NBEA: variants seen among roughly 807,000 people sequenced by gnomAD.
The protein encoded by NBEA is lysosomal-trafficking regulator 2.
In NBEA, 44 loss-of-function variants were observed where a neutral mutation model predicts 343.4. That is an observed-to-expected ratio of 0.13 (90% CI 0.10 to 0.16). NBEA has a LOEUF of 0.16. Ranked by LOEUF, NBEA falls within the 10% of genes least tolerant of loss-of-function variation. The pLI is 1.00. For synonymous variants in NBEA, 1,175 were observed against 1,238.7 expected (o/e 0.95, Z 1.08); for missense variants, 2,555 against 3,631.3 (o/e 0.70, Z 7.62).
chr13:35,535,440 A>G (rs901794194), intron 41 of NBEA, among the ~76,000 whole-genome samples: 47 of 152,212 alleles, frequency 3.1e-4, no homozygotes, highest in Admixed American at 2.6e-3. Context: ...AATGTGACAC[A>G]CAGAACCAGA....
chr13:35,048,470 ATTGT>A (rs2062942948), intron 4 of NBEA, 89 bp from the exon 5 acceptor site: 2 of 1,157,920 alleles, frequency 1.7e-6, no homozygotes, highest in African/African-American at 3.1e-5. Context: ...TTATACTTTG[ATTGT>A]TATTTAATCT....
chr13:34,990,284 T>C (rs2060705775), intron 1 of NBEA, among the ~76,000 whole-genome samples: 1 of 151,182 alleles, frequency 6.6e-6, no homozygotes, highest in South Asian at 2.1e-4. Context: ...GCTTAGTAGA[T>C]TCTCCATGAG....
chr13:35,409,641 G>A (rs776905685), intron 38 of NBEA, among the ~76,000 whole-genome samples: 1 of 151,918 alleles, frequency 6.6e-6, no homozygotes, highest in South Asian at 2.1e-4. Flanking sequence ...TAACCAAATG[G>A]TTCTACCTGT....
chr13:35,117,976 A>C (rs2066589842), intron 14 of NBEA, among the ~76,000 whole-genome samples: 1 of 152,018 alleles, frequency 6.6e-6, no homozygotes, highest in Non-Finnish European at 1.5e-5. Flanking sequence ...TTAGATGGTC[A>C]AAATATGCTA....
At chr13:35,416,983 G>C (rs1315010648) in intron 38 of NBEA, among the ~76,000 whole-genome samples, 2 of 152,078 alleles carry the variant, frequency 1.3e-5, no homozygotes, top group African/African-American at 4.8e-5. Context: ...ATGTGTTCAG[G>C]AATTTATCCG....
Position 35,308,453 on chromosome 13 carries a change from T to C in NBEA, c.5839-1075T>C, listed in dbSNP as rs866490713. On this transcript the variant is annotated intron_variant, in intron 35 of 58. Transcript: ENST00000379939. ...CTGCTATTTACTATATATATATATA[T>C]ATATATATATATATATATATGTATA... Among the ~76,000 whole-genome samples, 140 of 112,968 alleles carry C rather than the reference T, an allele frequency of 1.2e-3. 2 individuals carry two copies. Among genetic ancestry groups the C allele is most frequent in the African/African-American group, 2.7e-3 (66 of 24,068 alleles). The allele number at this position is 112,968 out of a possible 152,430, so 74.1% of individuals were successfully genotyped here. A position where few individuals can be genotyped will look rare whatever the true frequency, so the allele number is the denominator to read the frequency against.
chr13:35,349,262 C>CA, intron 37 of NBEA, 46 bp downstream of exon 37: 1 of 1,084,560 alleles, frequency 9.2e-7, no homozygotes, highest in Non-Finnish European at 1.4e-6. Flanking sequence ...TATTATAAGC[C>CA]AAAAATCACC....
chr13:35,121,288 G>A (rs1281647804), intron 16 of NBEA, among the ~76,000 whole-genome samples: 3 of 151,734 alleles, frequency 2.0e-5, no homozygotes, highest in Non-Finnish European at 1.5e-5. Context: ...TTGTATTTTG[G>A]TAGAGACAGG....
chr13:35,317,032 T>G (rs1186556277), intron 36 of NBEA, among the ~76,000 whole-genome samples: 1 of 152,174 alleles, frequency 6.6e-6, no homozygotes, highest in Non-Finnish European at 1.5e-5. Context: ...ATGGATAGAT[T>G]GCAAAAATTT....
chr13:35,490,203 G>T (rs995139916), intron 41 of NBEA, among the ~76,000 whole-genome samples: 5 of 151,918 alleles, frequency 3.3e-5, no homozygotes, highest in African/African-American at 1.2e-4. Flanking sequence ...AAATAAGATA[G>T]TGGAGCCACT....
intron 1 of NBEA, among the ~76,000 whole-genome samples, chr13:34,975,677 A>G (rs1028891028): frequency 6.6e-6 from 1 of 152,206 alleles, no homozygotes; most frequent in African/African-American, 2.4e-5. Context: ...TTCACAATCT[A>G]TACATCCAAC....
intron 36 of NBEA, among the ~76,000 whole-genome samples, chr13:35,345,871 A>G (rs1448304764): frequency 1.3e-5 from 2 of 152,118 alleles, no homozygotes; most frequent in Non-Finnish European, 2.9e-5. Context: ...TGCTGAAGTA[A>G]GGGAGACTTG....
chr13:35,120,540 G>T (rs1368960030), intron 16 of NBEA, among the ~76,000 whole-genome samples: 1 of 152,116 alleles, frequency 6.6e-6, no homozygotes, highest in Non-Finnish European at 1.5e-5. Context: ...GCCATTAAAG[G>T]CTAACAGTTG....
At chr13:34,979,510 A>G (rs997988308) in intron 1 of NBEA, among the ~76,000 whole-genome samples, 1 of 151,106 alleles carries the variant, frequency 6.6e-6, no homozygotes, top group Admixed American at 6.6e-5. Flanking sequence ...ACAGAGCAAG[A>G]CTCTGTCTCA....
intron 36 of NBEA, among the ~76,000 whole-genome samples, chr13:35,331,786 A>G (rs1490071960): frequency 2.0e-5 from 3 of 152,040 alleles, no homozygotes; most frequent in Non-Finnish European, 4.4e-5. Context: ...AGAAAAGAAT[A>G]GGACTGGATA....
At chr13:35,054,417 G>A (rs1481877930) in intron 6 of NBEA, among the ~76,000 whole-genome samples, 1 of 151,642 alleles carries the variant, frequency 6.6e-6, no homozygotes, top group Non-Finnish European at 1.5e-5. Flanking sequence ...TTTCTCTTCT[G>A]ATTTTAATCA....
intron 45 of NBEA, among the ~76,000 whole-genome samples, chr13:35,572,050 GT>G (rs2080458730): frequency 6.6e-6 from 1 of 152,132 alleles, no homozygotes; most frequent in Admixed American, 6.5e-5. Context: ...TAGGGGCTAT[GT>G]TTATTGTTTG....
At chr13:35,403,670 A>G (rs866060029) in intron 38 of NBEA, among the ~76,000 whole-genome samples, 1 of 152,082 alleles carries the variant, frequency 6.6e-6, no homozygotes. Context: ...AAACCTAGGC[A>G]TTACCATTCA....
At chr13:35,277,071 G>C (rs2034637635) in intron 34 of NBEA, among the ~76,000 whole-genome samples, 1 of 152,156 alleles carries the variant, frequency 6.6e-6, no homozygotes, top group Non-Finnish European at 1.5e-5. Context: ...GATGTAGAGA[G>C]AACATAGGAG....
Sources: gnomAD v4.1 joint callset for allele counts (sites outside exome capture counted in the v4.1 genomes callset) on GRCh38, gnomAD v4.1.1 for gene constraint, MANE v1.5 for transcripts, NCBI Gene and HGNC (gene_info 2026-07-23, HGNC 2026-07-21) for gene names.